The following NID2 variants were observed in gnomAD, a reference collection of about 807,000 sequenced individuals.
The protein encoded by NID2 is nidogen-2.
Under a neutral mutation model 145.4 loss-of-function variants are expected in NID2, and 83 were observed. The ratio of observed to expected loss-of-function variants is 0.57; its 90% CI spans 0.48 to 0.69. The LOEUF (loss-of-function observed/expected upper bound fraction) is 0.69. Among genes scored for constraint, NID2 ranks in the 30% least tolerant of loss-of-function variants. NID2 has a pLI of 0.00. For synonymous variants in NID2, 739 were observed against 701.3 expected, an observed-to-expected ratio of 1.05 and a Z score of -0.85; for missense variants, 1,807 against 1,765.7, an observed-to-expected ratio of 1.02 and a Z score of -0.42.
intron 8 of NID2, 81 bp downstream of exon 8, chr14:52,040,570 G>A: frequency 3.4e-6 from 4 of 1,193,168 alleles, no homozygotes; most frequent in Non-Finnish European, 5.0e-6. Flanking sequence ...GACATGCCAT[G>A]TAAGTCATTT....
chr14:52,006,241 G>A (rs1362443277), intron 20 of NID2: 4 of 398,944 alleles, frequency 1.0e-5, no homozygotes, highest in Non-Finnish European at 1.8e-5. Context: ...ATTCTCTAAA[G>A]AACATATTTA....
At chr14:52,057,457 C>T (rs1332040942) in intron 3 of NID2, among the ~76,000 whole-genome samples, 1 of 152,102 alleles carries the variant, frequency 6.6e-6, no homozygotes, top group Non-Finnish European at 1.5e-5. Flanking sequence ...AATCCCTGCA[C>T]TTTGGGAGGC....
At chr14:52,022,837 C>T (rs1891450851) in intron 12 of NID2, among the ~76,000 whole-genome samples, 1 of 152,308 alleles carries the variant, frequency 6.6e-6, no homozygotes, top group Non-Finnish European at 1.5e-5. Flanking sequence ...CAGGCTCCCG[C>T]CCCTTCACCA....
rs58318209 is a variant in NID2 at position 52,035,878 on chromosome 14, A to ATATATATATT, written c.2257+2868_2257+2869insAATATATATA. 2.9e-3 allele frequency among the ~76,000 whole-genome samples: 395 copies of ATATATATATT among 135,166 alleles called. 1 individual carries two copies. Among genetic ancestry groups the ATATATATATT allele is most frequent in the Middle Eastern group, 0.014 (4 of 276 alleles). The allele number at this position is 135,166 out of a possible 152,430, so 88.7% of individuals were successfully genotyped here. A position where few individuals can be genotyped will look rare whatever the true frequency, so the allele number is the denominator to read the frequency against. ...TGTGTATATATATATATATATATAT[A>ATATATATATT]TGTTTTATTTTGTAGAGACAGGGTT... On this transcript the variant is annotated intron_variant, in intron 9 of 21. Coordinates refer to ENST00000216286, the MANE Select transcript of NID2 (RefSeq NM_007361.4).
intron 13 of NID2, among the ~76,000 whole-genome samples, 182 bp downstream of exon 13, chr14:52,019,877 T>C (rs1175098829): frequency 1.3e-5 from 2 of 152,090 alleles, no homozygotes; most frequent in Non-Finnish European, 2.9e-5. Flanking sequence ...CCTCCAGAAA[T>C]GTTACGAATC....
chr14:52,006,880 T>C (rs895239683), intron 19 of NID2: 2 of 377,554 alleles, frequency 5.3e-6, no homozygotes, highest in Non-Finnish European at 9.7e-6. Context: ...GGATTGCATT[T>C]ACTGAAATCT....
At chr14:52,051,155 C>G (rs892428047) in intron 5 of NID2, among the ~76,000 whole-genome samples, 1 of 150,520 alleles carries the variant, frequency 6.6e-6, no homozygotes, top group African/African-American at 2.4e-5. Flanking sequence ...AATTTCTGAA[C>G]AAAAAGAAAG....
chr14:52,012,752 T>C (rs558100324), intron 16 of NID2, among the ~76,000 whole-genome samples: 1 of 152,338 alleles, frequency 6.6e-6, no homozygotes, highest in African/African-American at 2.4e-5. Flanking sequence ...GAGTCTGATA[T>C]TTTTCCTCAA....
intron 12 of NID2, among the ~76,000 whole-genome samples, chr14:52,022,684 G>C (rs1436251754): frequency 6.6e-6 from 1 of 152,208 alleles, no homozygotes; most frequent in African/African-American, 2.4e-5. Flanking sequence ...TATTAAGCTA[G>C]TAAAGAACCT....
rs995973033 is a variant in NID2, at chr14:52,060,219, C to T, written c.672G>A (p.Arg224=). The T allele has an allele frequency of 1.2e-6, 2 of 1,613,872 alleles. No individual in the cohort carries two copies. Among genetic ancestry groups the T allele is most frequent in the African/African-American group, 2.7e-5 (2 of 74,876 alleles). ...SYNVQLQLPA[R]VGFCRGEADD... is the part of the protein sequence containing the mutation. The stretch of plus-strand genomic sequence containing the variant: ...CAGCCTCCCCTCGGCAGAAGCCCAC[C>T]CGAGCTGGAAGCTGAAGCTGGACAT... The change falls in exon 3 of 22, where the codon CGG becomes CGA. Residue 224 remains arginine (R), a synonymous_variant. Coordinates refer to ENST00000216286, the MANE Select transcript of NID2 (RefSeq NM_007361.4).
intron 9 of NID2, among the ~76,000 whole-genome samples, chr14:52,030,339 C>G (rs946591076): frequency 6.6e-6 from 1 of 151,880 alleles, no homozygotes; most frequent in African/African-American, 2.4e-5. Context: ...GAAATCTCCC[C>G]TAGAGAAATC....
intron 15 of NID2, among the ~76,000 whole-genome samples, 172 bp from the exon 16 acceptor site, chr14:52,014,628 T>A (rs1891151905): frequency 1.3e-5 from 2 of 152,018 alleles, no homozygotes; most frequent in African/African-American, 4.8e-5. Context: ...AGGGTTTTTT[T>A]AAGGATCAAT....
rs1891351938 is a variant in NID2, at chr14:52,020,184, G to A, written c.2675-6C>T. 1.3e-5 allele frequency: 21 copies of A among 1,613,448 alleles called. No homozygotes were observed. The highest frequency in any genetic ancestry group is 1.8e-5 in the Non-Finnish European group (21 of 1,179,504). On this transcript the variant is annotated splice_polypyrimidine_tract_variant and splice_region_variant and intron_variant, in intron 12 of 21. Coordinates refer to ENST00000216286, the MANE Select transcript of NID2 (RefSeq NM_007361.4). ...TTCTGAGCATTCATCTACATCTGCA[G>A]AGGTCAGAAACAGAAGAAAGAAGCA...
intron 12 of NID2, among the ~76,000 whole-genome samples, chr14:52,023,396 A>C (rs78670328): frequency 0.14 from 20,980 of 151,844 alleles, 1,482 homozygotes; most frequent in East Asian, 0.17. Flanking sequence ...CTGAGGCTGC[A>C]GTGAGCTGTA....
At chr14:52,006,797 A>G (rs1890803108) in intron 19 of NID2, 137 bp from the exon 20 acceptor site, 3 of 874,748 alleles carry the variant, frequency 3.4e-6, no homozygotes, top group Admixed American at 2.6e-5. Flanking sequence ...TAGCAACTGT[A>G]AAATTACCTG....
chr14:52,028,281 T>TGG (rs112652950), intron 11 of NID2, among the ~76,000 whole-genome samples: 2 of 77,992 alleles, frequency 2.6e-5, no homozygotes, highest in Admixed American at 1.0e-4. Context: ...TTGTTTTTTT[T>TGG]TTTGTTTTTT....
chr14:52,032,812 A>AAAACAAAAAACAAAAAAC (rs71121676), intron 9 of NID2, among the ~76,000 whole-genome samples: 10,924 of 151,458 alleles, frequency 0.072, 463 homozygotes, highest in Middle Eastern at 0.14. Context: ...AAGAAAAAAA[A>AAAACAAAAAACAAAAAAC]AAAATCTCAG....
At chr14:52,063,318 G>A (rs949215156) in intron 2 of NID2, among the ~76,000 whole-genome samples, 1 of 152,232 alleles carries the variant, frequency 6.6e-6, no homozygotes, top group Non-Finnish European at 1.5e-5. Context: ...AGAGGAGAGA[G>A]GGGCCTCCAC....
chr14:52,020,448 C>A (rs533832161), intron 12 of NID2, among the ~76,000 whole-genome samples: 4 of 152,268 alleles, frequency 2.6e-5, no homozygotes, highest in South Asian at 2.1e-4. Context: ...CAGAAAAAAA[C>A]AACACATCTT....
Sources: allele counts gnomAD v4.1 joint callset (sites outside exome capture counted in the v4.1 genomes callset), GRCh38; gene constraint gnomAD v4.1.1; transcripts MANE v1.5; gene names NCBI Gene and HGNC (gene_info 2026-07-23, HGNC 2026-07-21).